CNTN4: variants seen among roughly 807,000 people sequenced by gnomAD.
CNTN4 encodes contactin-4.
Under a neutral mutation model 122.5 loss-of-function variants are expected in CNTN4, and 77 were observed. The observed-to-expected ratio is 0.63, with a 90% CI of 0.52 to 0.76. The LOEUF (loss-of-function observed/expected upper bound fraction) is 0.76. Ranked by LOEUF, CNTN4 falls within the 30% of genes least tolerant of loss-of-function variation. The pLI is 0.00. For missense variants in CNTN4, 1,256 were observed against 1,259.1 expected (o/e 1.00, Z 0.04); for synonymous variants, 512 against 447.0 (o/e 1.15, Z -1.83).
At chr3:2,691,453 A>C (rs191899079) in intron 4 of CNTN4, among the ~76,000 whole-genome samples, 1 of 152,114 alleles carries the variant, frequency 6.6e-6, no homozygotes, top group Non-Finnish European at 1.5e-5. Context: ...TTTACTCCCA[A>C]TGTGGAATAA....
At chr3:2,572,687 T>C (rs555937293) in intron 4 of CNTN4, among the ~76,000 whole-genome samples, 15 of 152,338 alleles carry the variant, frequency 9.8e-5, no homozygotes, top group African/African-American at 3.6e-4. Context: ...ACCATTACTT[T>C]GATGTATGCA....
intron 4 of CNTN4, among the ~76,000 whole-genome samples, chr3:2,721,679 T>G (rs2087864702): frequency 6.6e-6 from 1 of 151,912 alleles, no homozygotes; most frequent in Admixed American, 6.5e-5. Flanking sequence ...GTTACTGCTG[T>G]TTTTGCCTGT....
intron 4 of CNTN4, among the ~76,000 whole-genome samples, chr3:2,662,466 T>C (rs1389370727): frequency 6.6e-6 from 1 of 152,204 alleles, no homozygotes; most frequent in Non-Finnish European, 1.5e-5. Flanking sequence ...AAAGGAACAC[T>C]GTGCAAGATG....
intron 6 of CNTN4, among the ~76,000 whole-genome samples, chr3:2,773,129 G>A (rs373262103): frequency 7.9e-6 from 1 of 126,398 alleles, no homozygotes; most frequent in Non-Finnish European, 1.7e-5. Flanking sequence ...TCTTTTGGTG[G>A]GGGGGGTTGC....
intron 3 of CNTN4, among the ~76,000 whole-genome samples, chr3:2,482,035 T>A (rs557326194): frequency 6.6e-6 from 1 of 152,308 alleles, no homozygotes; most frequent in East Asian, 1.9e-4. Context: ...GCTATAAAGA[T>A]AGACGAAAAT....
chr3:3,034,479 G>C (rs1382102285), intron 16 of CNTN4, among the ~76,000 whole-genome samples, 153 bp from the exon 17 acceptor site: 1 of 152,182 alleles, frequency 6.6e-6, no homozygotes, highest in African/African-American at 2.4e-5. Context: ...AAAGTTCCAA[G>C]CACGTAGTAG....
At chr3:2,691,355 A>G (rs1357733601) in intron 4 of CNTN4, among the ~76,000 whole-genome samples, 1 of 152,170 alleles carries the variant, frequency 6.6e-6, no homozygotes, top group Non-Finnish European at 1.5e-5. Context: ...ACATAATTTT[A>G]TGTATAATAT....
At chr3:2,701,745 C>T (rs1490489632) in intron 4 of CNTN4, among the ~76,000 whole-genome samples, 1 of 152,134 alleles carries the variant, frequency 6.6e-6, no homozygotes, top group Non-Finnish European at 1.5e-5. Context: ...TTTAAGCCCT[C>T]ATCTTGTGAT....
At chr3:2,990,729 T>A (rs531248871) in intron 14 of CNTN4, among the ~76,000 whole-genome samples, 1 of 152,352 alleles carries the variant, frequency 6.6e-6, no homozygotes, top group East Asian at 1.9e-4. Flanking sequence ...AGTTGCCTCA[T>A]TTTTGTGTGG....
intron 4 of CNTN4, among the ~76,000 whole-genome samples, chr3:2,631,228 A>T (rs1481352365): frequency 6.6e-6 from 1 of 152,198 alleles, no homozygotes; most frequent in Non-Finnish European, 1.5e-5. Context: ...TCTTAAGGTT[A>T]AAATCCATAT....
At chr3:2,511,879 A>T (rs551725110) in intron 3 of CNTN4, among the ~76,000 whole-genome samples, 2 of 152,288 alleles carry the variant, frequency 1.3e-5, no homozygotes, top group East Asian at 1.9e-4. Context: ...CATACAAGGA[A>T]ATAGGAGCCT....
In CNTN4 at chr3:2,199,373, GAGT is replaced by G. The variant is rs1282303905; in HGVS notation, c.-145+98735_-145+98737del. Among the ~76,000 whole-genome samples, 4 of 146,568 alleles carry G rather than the reference GAGT, an allele frequency of 2.7e-5. No individual in the cohort carries two copies. In the East Asian group the frequency reaches 7.9e-4, roughly 29 times the overall value. ...TGTGTGTGACTCTCTTTTTGATTGT[GAGT>G]TTTTCTACTGCAGAGATCCCTCCGT... On this transcript the variant is annotated intron_variant, in intron 2 of 24. Transcript: ENST00000418658.
At chr3:2,126,024 A>T (rs558900304) in intron 2 of CNTN4, among the ~76,000 whole-genome samples, 1 of 152,084 alleles carries the variant, frequency 6.6e-6, no homozygotes, top group Non-Finnish European at 1.5e-5. Flanking sequence ...TCACTCTGTT[A>T]TACTAAAAGC....
At position 2,830,166 on chromosome 3, in the gene CNTN4, C is replaced by A. The variant is rs149814005; in HGVS notation, c.454+10585C>A. The stretch of plus-strand genomic sequence containing the variant: ...CAGAAACCAAGAACTTAATGATGCC[C>A]CTAATTACCCAGCTTCTCTCCTGAC... On this transcript the variant is annotated intron_variant, in intron 7 of 24. Transcript: ENST00000418658. 5.7e-3 allele frequency among the ~76,000 whole-genome samples: 866 copies of A among 152,258 alleles called. 10 individuals are homozygous for A. Among genetic ancestry groups the A allele is most frequent in the African/African-American group, 0.02 (848 of 41,564 alleles).
At chr3:2,582,537 C>G (rs900587943) in intron 4 of CNTN4, among the ~76,000 whole-genome samples, 7 of 152,152 alleles carry the variant, frequency 4.6e-5, no homozygotes, top group Admixed American at 4.6e-4. Context: ...CAACAATGTG[C>G]AACTTCTTTA....
At chr3:2,161,981 G>A (rs1219088148) in intron 2 of CNTN4, among the ~76,000 whole-genome samples, 1 of 152,076 alleles carries the variant, frequency 6.6e-6, no homozygotes. Flanking sequence ...CCCAAATTAA[G>A]GTAAAACCAC....
At chr3:3,004,185 A>T (rs575969849) in intron 14 of CNTN4, among the ~76,000 whole-genome samples, 71 of 152,266 alleles carry the variant, frequency 4.7e-4, no homozygotes, top group Non-Finnish European at 8.7e-4. Context: ...GAAGACAAAA[A>T]GGAAGTAATG....
intron 13 of CNTN4, among the ~76,000 whole-genome samples, chr3:2,984,966 T>G (rs1042894820): frequency 6.6e-6 from 1 of 152,256 alleles, no homozygotes; most frequent in African/African-American, 2.4e-5. Context: ...AATTAAGATT[T>G]GTTCACCACT....
intron 3 of CNTN4, among the ~76,000 whole-genome samples, chr3:2,508,445 T>A (rs754786514): frequency 1.1e-4 from 17 of 152,194 alleles, no homozygotes; most frequent in Non-Finnish European, 2.1e-4. Context: ...CATTTAAAAA[T>A]ATTGATTAAG....
Sources: allele counts gnomAD v4.1 joint callset (sites outside exome capture counted in the v4.1 genomes callset), GRCh38; gene constraint gnomAD v4.1.1; transcripts MANE v1.5; gene names NCBI Gene and HGNC (gene_info 2026-07-23, HGNC 2026-07-21).